Variants in UTS2B observed in about 807,000 individuals in gnomAD.
UTS2B encodes the protein urotensin 2B, also known as urotensin-2B.
UTS2B carries 21 observed loss-of-function variants against 19.2 expected under a neutral mutation model. That is an observed-to-expected ratio of 1.09 (90% CI 0.78 to 1.58). UTS2B has a LOEUF of 1.58. UTS2B is among the 40% of genes most tolerant of loss of function. The pLI, the probability that UTS2B is intolerant of heterozygous loss-of-function variation, is 0.00. For synonymous variants in UTS2B, 57 were observed against 50.2 expected (o/e 1.14, Z -0.58); for missense variants, 138 against 130.3 (o/e 1.06, Z -0.29).
chr3:191,289,554 C>A (rs977483519), intron 4 of UTS2B, among the ~76,000 whole-genome samples: 5 of 151,738 alleles, frequency 3.3e-5, no homozygotes, highest in Non-Finnish European at 5.9e-5. Flanking sequence ...GGGATGAAAA[C>A]GTAAAGAAAA....
At chr3:191,329,772 C>T (rs753595322) in intron 1 of UTS2B, 12 of 1,582,632 alleles carry the variant, frequency 7.6e-6, no homozygotes, top group Non-Finnish European at 9.5e-6. Flanking sequence ...TCTCCCAGCC[C>T]GAGGTTCTCT....
At chr3:191,271,196 C>A in intron 8 of UTS2B, among the ~76,000 whole-genome samples, 1 of 87,134 alleles carries the variant, frequency 1.1e-5, no homozygotes, top group Non-Finnish European at 1.9e-5. Context: ...GAGTGAGACT[C>A]TCTCAAAAAA....
At chr3:191,285,793 G>A (rs1005175248) in intron 4 of UTS2B, among the ~76,000 whole-genome samples, 2 of 152,012 alleles carry the variant, frequency 1.3e-5, no homozygotes, top group Non-Finnish European at 2.9e-5. Flanking sequence ...CAGCTACTTG[G>A]GAAGCTGAGG....
chr3:191,284,362 C>A (rs1394250306), intron 4 of UTS2B, among the ~76,000 whole-genome samples: 1 of 151,770 alleles, frequency 6.6e-6, no homozygotes, highest in Non-Finnish European at 1.5e-5. Context: ...CTCTCTGTCG[C>A]CCAGGCTGGA....
chr3:191,269,943 C>A (rs1432426900), intron 8 of UTS2B, among the ~76,000 whole-genome samples: 1 of 152,192 alleles, frequency 6.6e-6, no homozygotes, highest in African/African-American at 2.4e-5. Context: ...TAAAGTAAAA[C>A]CCCAACCAGC....
At chr3:191,325,048 T>G (rs1717708700) in intron 2 of UTS2B, among the ~76,000 whole-genome samples, 1 of 138,588 alleles carries the variant, frequency 7.2e-6, no homozygotes, top group Non-Finnish European at 1.6e-5. Flanking sequence ...AGACTCCATC[T>G]CAGGAAAAAA....
At chr3:191,308,806 T>C (rs1219742802) in intron 3 of UTS2B, among the ~76,000 whole-genome samples, 1 of 152,092 alleles carries the variant, frequency 6.6e-6, no homozygotes, top group Non-Finnish European at 1.5e-5. Flanking sequence ...GCTCTATATG[T>C]ATCTTACTAG....
intron 4 of UTS2B, among the ~76,000 whole-genome samples, chr3:191,298,291 A>C (rs1211775624): frequency 6.6e-6 from 1 of 152,118 alleles, no homozygotes; most frequent in Non-Finnish European, 1.5e-5. Context: ...CCCCTGCCCA[A>C]ATTTTATGTC....
At chr3:191,297,434 T>TAC (rs1257855801) in intron 4 of UTS2B, among the ~76,000 whole-genome samples, 1 of 152,244 alleles carries the variant, frequency 6.6e-6, no homozygotes, top group Non-Finnish European at 1.5e-5. Context: ...TCATTTAGCC[T>TAC]ACCTGGTAAA....
chr3:191,275,751 GAA>G (rs1019663716), intron 7 of UTS2B, among the ~76,000 whole-genome samples: 1 of 131,484 alleles, frequency 7.6e-6, no homozygotes. Context: ...TAAAAAGAAA[GAA>G]AAAAAAAGAG....
the UTS2B span, among the ~76,000 whole-genome samples, chr3:191,345,607 T>C: frequency 1.3e-5 from 2 of 152,216 alleles, no homozygotes; most frequent in South Asian, 2.1e-4. Context: ...TGAGGACTTA[T>C]ATCATCTCAG....
chr3:191,307,807 TTTTC>T (rs1386348499), intron 3 of UTS2B, among the ~76,000 whole-genome samples: 1 of 138,302 alleles, frequency 7.2e-6, no homozygotes, highest in Non-Finnish European at 1.6e-5. Flanking sequence ...GCTTTTTCTT[TTTTC>T]TTTTCTTTTC....
chr3:191,277,828 T>C (rs1560133345), intron 6 of UTS2B, among the ~76,000 whole-genome samples: 1 of 151,464 alleles, frequency 6.6e-6, no homozygotes, highest in African/African-American at 2.4e-5. Context: ...CCTTTTTTTT[T>C]AACTATATGT....
chr3:191,272,862 T>TAA lies in UTS2B; in HGVS notation c.334+2388_334+2389dup, dbSNP rs35248454. Among the ~76,000 whole-genome samples, 477 of 118,286 alleles carry TAA rather than the reference T, an allele frequency of 4.0e-3. 6 individuals carry two copies. The highest frequency in any genetic ancestry group is 6.0e-3 in the Non-Finnish European group (341 of 57,262). 77.6% of individuals were successfully genotyped at this position (118,286 alleles called of 152,430 possible). On this transcript the variant is annotated intron_variant, in intron 8 of 8. Transcript: ENST00000340524. ...TAGGCAACAAGAGCAAAACTCCGTCTAAAAAAAAAAAAAAAAAATGGGCAG... is the reference window on the plus strand; with the variant it reads ...TAGGCAACAAGAGCAAAACTCCGTCTAAAAAAAAAAAAAAAAAAAATGGGCAG...
chr3:191,310,592 C>T (rs1034317422), intron 3 of UTS2B, among the ~76,000 whole-genome samples: 1 of 152,188 alleles, frequency 6.6e-6, no homozygotes, highest in Admixed American at 6.5e-5. Flanking sequence ...GAGTAATGAA[C>T]TGTCATTTGT....
At chr3:191,325,890 T>G (rs180972316) in intron 2 of UTS2B, among the ~76,000 whole-genome samples, 1 of 152,346 alleles carries the variant, frequency 6.6e-6, no homozygotes, top group East Asian at 1.9e-4. Flanking sequence ...GAAAAACATA[T>G]ATAATAATTT....
At chr3:191,275,701 C>CAA (rs113295650) in intron 7 of UTS2B, among the ~76,000 whole-genome samples, 21 of 100,956 alleles carry the variant, frequency 2.1e-4, no homozygotes, top group African/African-American at 5.4e-4. Context: ...AAACAAACAA[C>CAA]AAAAAAAAAA....
intron 4 of UTS2B, among the ~76,000 whole-genome samples, chr3:191,287,211 C>G (rs1035004679): frequency 6.6e-6 from 1 of 152,106 alleles, no homozygotes; most frequent in Non-Finnish European, 1.5e-5. Context: ...CATTGTCACA[C>G]TCTTCCAAAA....
intron 3 of UTS2B, among the ~76,000 whole-genome samples, chr3:191,315,378 CAGA>C (rs938448892): frequency 2.6e-5 from 4 of 152,168 alleles, no homozygotes; most frequent in African/African-American, 9.7e-5. Flanking sequence ...CCTGGTCGCT[CAGA>C]AGCACAGGTA....
Sources: allele counts gnomAD v4.1 joint callset (sites outside exome capture counted in the v4.1 genomes callset), GRCh38; gene constraint gnomAD v4.1.1; transcripts MANE v1.5; gene names NCBI Gene and HGNC (gene_info 2026-07-23, HGNC 2026-07-21).